Variants in SLC2A9 observed in about 807,000 individuals in gnomAD.
The protein encoded by SLC2A9 is solute carrier family 2 member 9.
In SLC2A9, 39 loss-of-function variants were observed where a neutral mutation model predicts 50.6. The ratio of observed to expected loss-of-function variants is 0.77; its 90% CI spans 0.60 to 1.01. The LOEUF is 1.01. SLC2A9 is among the 50% of genes least tolerant of loss of function. The pLI, the probability that SLC2A9 is intolerant of heterozygous loss-of-function variation, is 0.00. For missense variants in SLC2A9, 686 were observed against 677.6 expected, an observed-to-expected ratio of 1.01 and a Z score of -0.14; for synonymous variants, 324 against 276.9, an observed-to-expected ratio of 1.17 and a Z score of -1.69.
At chr4:9,995,205 G>T (rs188161432) in intron 3 of SLC2A9, among the ~76,000 whole-genome samples, 1 of 152,294 alleles carries the variant, frequency 6.6e-6, no homozygotes, top group East Asian at 1.9e-4. Flanking sequence ...ATGTGTGAGT[G>T]GCTGGAACCT....
intron 10 of SLC2A9, among the ~76,000 whole-genome samples, chr4:9,837,115 G>A (rs996287192): frequency 6.6e-6 from 1 of 152,136 alleles, no homozygotes; most frequent in African/African-American, 2.4e-5. Context: ...TACACTGTGA[G>A]CCCCTCTGAT....
chr4:9,980,846 C>T (rs574590547), intron 4 of SLC2A9, 109 bp from the exon 5 acceptor site: 16 of 1,419,132 alleles, frequency 1.1e-5, no homozygotes, highest in Non-Finnish European at 1.5e-5. Context: ...TTAAATAGCA[C>T]TGTAGCCACG....
chr4:9,784,600 T>A (rs567229765), intron 3 of SLC2A9, among the ~76,000 whole-genome samples: 25 of 152,344 alleles, frequency 1.6e-4, no homozygotes, highest in Non-Finnish European at 3.5e-4. Flanking sequence ...GTGAATGAAC[T>A]TGAAATTGGA....
intron 5 of SLC2A9, among the ~76,000 whole-genome samples, chr4:9,957,095 T>C (rs6849717): frequency 0.58 from 87,537 of 151,638 alleles, 26,550 homozygotes; most frequent in African/African-American, 0.78. Context: ...GCCTTTAGCC[T>C]CATGCCCTTT....
intron 5 of SLC2A9, among the ~76,000 whole-genome samples, chr4:9,975,093 C>T (rs765679781): frequency 2.6e-5 from 4 of 152,114 alleles, no homozygotes; most frequent in Non-Finnish European, 4.4e-5. Context: ...TTACCATATA[C>T]AAAAATTAAC....
chr4:9,934,812 AGC>A (rs1746768342), intron 6 of SLC2A9, among the ~76,000 whole-genome samples: 1 of 151,532 alleles, frequency 6.6e-6, no homozygotes, highest in African/African-American at 2.4e-5. Flanking sequence ...CCCTCCCCTC[AGC>A]CCCTGCCCAC....
At chr4:9,792,938 G>C (rs190603595) in intron 3 of SLC2A9, 2 of 149,696 alleles carry the variant, frequency 1.3e-5, no homozygotes, top group Non-Finnish European at 2.9e-5. Context: ...GCAATGGCGC[G>C]ATCTCGGCTC....
intron 3 of SLC2A9, chr4:9,782,651 T>G: frequency 6.2e-7 from 1 of 1,614,012 alleles, no homozygotes; most frequent in South Asian, 1.1e-5. Flanking sequence ...GGAGGACTTT[T>G]GGGAGCCCGA....
At chr4:9,791,355 G>A (rs748987437) in intron 3 of SLC2A9, among the ~76,000 whole-genome samples, 22 of 152,218 alleles carry the variant, frequency 1.4e-4, no homozygotes, top group Non-Finnish European at 2.4e-4. Context: ...GTGTATGGAA[G>A]CAGATACTGT....
intron 1 of SLC2A9, among the ~76,000 whole-genome samples, chr4:9,774,318 T>C (rs1717236144): frequency 6.6e-6 from 1 of 152,192 alleles, no homozygotes; most frequent in African/African-American, 2.4e-5. Context: ...ACTCAGTGTT[T>C]TGGAAAGCAG....
intron 5 of SLC2A9, among the ~76,000 whole-genome samples, chr4:9,951,738 T>C (rs1174227293): frequency 6.6e-6 from 1 of 152,208 alleles, no homozygotes; most frequent in Non-Finnish European, 1.5e-5. Flanking sequence ...ATGTGAGAAA[T>C]CAAATTTTAT....
chr4:9,944,397 A>G (rs777888298), intron 5 of SLC2A9, among the ~76,000 whole-genome samples: 3 of 152,230 alleles, frequency 2.0e-5, no homozygotes, highest in Admixed American at 2.0e-4. Flanking sequence ...TTCACATTGC[A>G]TGACTTATTC....
At chr4:9,911,795 G>A (rs1301873885) in intron 7 of SLC2A9, among the ~76,000 whole-genome samples, 3 of 152,184 alleles carry the variant, frequency 2.0e-5, no homozygotes, top group African/African-American at 7.2e-5. Flanking sequence ...TGTTATAATT[G>A]GCATATAACA....
upstream of SLC2A9, among the ~76,000 whole-genome samples, chr4:10,024,466 T>C (rs1207107030): frequency 1.3e-5 from 2 of 152,186 alleles, no homozygotes; most frequent in Non-Finnish European, 2.9e-5. Context: ...CACAGAGGGA[T>C]GACCACGTGA....
downstream of SLC2A9, among the ~76,000 whole-genome samples, chr4:9,825,482 C>T (rs1482137177): frequency 2.6e-5 from 4 of 152,030 alleles, no homozygotes; most frequent in Non-Finnish European, 5.9e-5. Context: ...GGTACATGTG[C>T]TGACACTCTG....
intron 8 of SLC2A9, among the ~76,000 whole-genome samples, chr4:9,901,870 C>T (rs1281954678): frequency 6.6e-6 from 1 of 152,216 alleles, no homozygotes; most frequent in Non-Finnish European, 1.5e-5. Context: ...GGTCAGAAAT[C>T]AGAAGGCAAA....
At chr4:9,954,139 T>A (rs1327136761) in intron 5 of SLC2A9, among the ~76,000 whole-genome samples, 2 of 152,244 alleles carry the variant, frequency 1.3e-5, no homozygotes, top group Admixed American at 6.5e-5. Flanking sequence ...GGTTTTGCCA[T>A]GTTGCCCAGG....
intron 6 of SLC2A9, among the ~76,000 whole-genome samples, chr4:9,934,324 C>T (rs748880614): frequency 2.0e-5 from 3 of 152,336 alleles, no homozygotes; most frequent in South Asian, 4.1e-4. Flanking sequence ...ATGTGTCTAT[C>T]GGGACCACTG....
chr4:9,870,124 C>G (rs1370736050), intron 10 of SLC2A9, among the ~76,000 whole-genome samples: 1 of 152,228 alleles, frequency 6.6e-6, no homozygotes, highest in Non-Finnish European at 1.5e-5. Flanking sequence ...GGAAGGGACT[C>G]CCCTCAGAGC....
Sources: gnomAD v4.1 joint callset for allele counts (sites outside exome capture counted in the v4.1 genomes callset) on GRCh38, gnomAD v4.1.1 for gene constraint, MANE v1.5 for transcripts, NCBI Gene and HGNC (gene_info 2026-07-23, HGNC 2026-07-21) for gene names.